The following IGSF8 variants were observed in gnomAD, a reference collection of about 807,000 sequenced individuals.
The protein encoded by IGSF8 is immunoglobulin superfamily member 8, also known as CD81 partner 3.
IGSF8 carries 46 observed loss-of-function variants against 55.5 expected under a neutral mutation model. The observed-to-expected ratio is 0.83, with a 90% CI of 0.65 to 1.06. IGSF8 has a LOEUF of 1.06. IGSF8 is among the 50% of genes least tolerant of loss of function. The pLI is 0.00. For missense variants in IGSF8, 731 were observed against 832.3 expected, an observed-to-expected ratio of 0.88 and a Z score of 1.50; for synonymous variants, 314 against 356.1, an observed-to-expected ratio of 0.88 and a Z score of 1.33.
rs559818105 is a variant in IGSF8, at chr1:160,091,927, G to A, written c.1738C>T (p.Leu580=). The change falls in exon 6 of 7, where the codon CTA becomes TTA. Residue 580 remains leucine, a synonymous_variant. Transcript: ENST00000314485. ...VYPYMHALDT[L]FVPLLVGTGV... Reference sequence around the variant, plus strand: ...GTACCCACCAGCAGAGGCACAAATAGGGTGTCCAGGGCTGGGGGAGAGAGG... The same window carrying A: ...GTACCCACCAGCAGAGGCACAAATAAGGTGTCCAGGGCTGGGGGAGAGAGG... 1 of 1,609,586 alleles carries A rather than the reference G, an allele frequency of 6.2e-7. No homozygotes were observed. The highest frequency in any genetic ancestry group is 1.7e-5 in the Admixed American group (1 of 59,992).
Position 160,095,229 on chromosome 1 carries a change from G to A in IGSF8, c.82C>T (p.Arg28Trp), listed in dbSNP as rs566750546. The stretch of plus-strand genomic sequence containing the variant: ...GGCCCCTCGGGGACCAGCACCTCCC[G>A]GGCCCAGCATCCCATTCCTGTAGGG... ...LLMLGMGCWA[R>W]EVLVPEGPLY... Residue 28 changes from arginine (R) to tryptophan (W), a missense_variant, in exon 2 of 7, where the codon CGG becomes TGG. By Grantham distance (101) the Arg-to-Trp change is moderately radical. Coordinates refer to ENST00000314485, the MANE Select transcript of IGSF8 (RefSeq NM_052868.6). 25 of 1,602,700 alleles carry A rather than the reference G, an allele frequency of 1.6e-5. No individual in the cohort carries two copies. The highest frequency in any genetic ancestry group is 2.2e-5 in the East Asian group (1 of 44,874).
At position 160,098,543 on chromosome 1, in the gene IGSF8, G is replaced by C; in HGVS notation, c.-71C>G. ...CTGGGGGGCCGGAAGGGTGGGGGGCGCATGCCCAGGTTGAGGGCAGGAAGC... is the reference window on the plus strand; with the variant it reads ...CTGGGGGGCCGGAAGGGTGGGGGGCCCATGCCCAGGTTGAGGGCAGGAAGC... On this transcript the variant is annotated 5_prime_UTR_variant, in exon 1 of 7. Coordinates refer to ENST00000314485, the MANE Select transcript of IGSF8 (RefSeq NM_052868.6). The C allele has an allele frequency of 9.2e-7, 1 of 1,089,652 alleles. No homozygotes were observed. Among genetic ancestry groups the C allele is most frequent in the Non-Finnish European group, 1.3e-6 (1 of 763,790 alleles). 67.5% of individuals were successfully genotyped at this position (1,089,652 alleles called of 1,614,324 possible).
intron 1 of IGSF8, among the ~76,000 whole-genome samples, chr1:160,096,998 T>G (rs1650477441): frequency 6.6e-6 from 1 of 152,122 alleles, no homozygotes; most frequent in Admixed American, 6.5e-5. Flanking sequence ...AGGAAATCAG[T>G]TGCCACACAG....
chr1:160,098,388 C>T (rs754502186), intron 1 of IGSF8, 21 bp downstream of exon 1: 5 of 1,550,978 alleles, frequency 3.2e-6, no homozygotes, highest in South Asian at 2.4e-5. Flanking sequence ...GGCCGGGAAC[C>T]GGAACGGGGG....
chr1:160,095,364 G>T, intron 1 of IGSF8, 118 bp from the exon 2 acceptor site: 1 of 1,048,324 alleles, frequency 9.5e-7, no homozygotes, highest in Non-Finnish European at 1.3e-6. Flanking sequence ...GGGAAAGCTT[G>T]TCCACAGCTT....
intron 4 of IGSF8, 105 bp from the exon 5 acceptor site, chr1:160,092,800 T>G: frequency 3.3e-6 from 5 of 1,500,980 alleles, no homozygotes; most frequent in Non-Finnish European, 4.5e-6. Context: ...TCCCACAATC[T>G]TGGTAGAAGA....
At chr1:160,098,323 G>T in intron 1 of IGSF8, 86 bp downstream of exon 1, 1 of 1,506,218 alleles carries the variant, frequency 6.6e-7, no homozygotes, top group Non-Finnish European at 8.9e-7. Flanking sequence ...GGAGGAGGAT[G>T]TGAGGAGCCC....
chr1:160,093,397 C>T, intron 3 of IGSF8, 66 bp from the exon 4 acceptor site: 1 of 1,466,754 alleles, frequency 6.8e-7, no homozygotes, highest in Non-Finnish European at 9.2e-7. Context: ...CCCGATTCCC[C>T]AACTTCCTGT....
chr1:160,092,971 G>A lies in IGSF8; in HGVS notation c.1265C>T (p.Ala422Val). The A allele has an allele frequency of 6.2e-7, 1 of 1,610,644 alleles. No homozygotes were observed. The highest frequency in any genetic ancestry group is 8.5e-7 in the Non-Finnish European group (1 of 1,177,146). The change falls in exon 4 of 7, where the codon GCA becomes GTA. Residue 422 changes from alanine (A) to valine (V), a missense_variant. Transcript: ENST00000314485. ...GAGAGGCCGGGAACGGGCACTGGCT[G>A]CTTCACGAAGCCGGGTCCCAGACCC... ...VRGSGTRLRE[A>V]ASARSRPLPV...
chr1:160,098,782 C>T (rs1650638659), upstream of IGSF8: 2 of 301,762 alleles, frequency 6.6e-6, no homozygotes, highest in Non-Finnish European at 6.0e-6. Flanking sequence ...CGCCAGACTC[C>T]GGCCTTTGCT....
rs761645976 is a variant in IGSF8 at position 160,093,155 on chromosome 1, G to T, written c.1081C>A (p.Gln361Lys). 8 of 1,613,586 alleles carry T rather than the reference G, an allele frequency of 5.0e-6. No individual in the cohort carries two copies. The East Asian group carries it at 1.8e-4, about 36-fold the overall frequency. The change falls in exon 4 of 7, where the codon CAG (glutamine) becomes AAG (lysine). Residue 361 changes from glutamine to lysine, a missense_variant. Transcript: ENST00000314485. ...GAPGPGRLVAQLDTEGVGSLG... is the reference protein window; with the variant it reads ...GAPGPGRLVAKLDTEGVGSLG... Reference sequence around the variant, plus strand: ...CTGCCCACACCCTCTGTGTCCAGCTGGGCTACCAGGCGGCCGGGCCCAGGT... The same window carrying T: ...CTGCCCACACCCTCTGTGTCCAGCTTGGCTACCAGGCGGCCGGGCCCAGGT...
rs764341341 is a variant in IGSF8, at chr1:160,095,227, C to T, written c.84G>A (p.Arg28=). Residue 28 remains arginine (R), a synonymous_variant, in exon 2 of 7, where the codon CGG becomes CGA. Coordinates refer to ENST00000314485, the MANE Select transcript of IGSF8 (RefSeq NM_052868.6). ...AGGGCCCCTCGGGGACCAGCACCTC[C>T]CGGGCCCAGCATCCCATTCCTGTAG... ...LLMLGMGCWA[R]EVLVPEGPLY... is the part of the protein sequence containing the mutation. 2 of 1,603,122 alleles carry T rather than the reference C, an allele frequency of 1.2e-6. No individual in the cohort carries two copies. Among genetic ancestry groups the T allele is most frequent in the South Asian group, 2.2e-5 (2 of 91,072 alleles).
In IGSF8 at chr1:160,098,504, G is replaced by T. The variant is rs1260099904; in HGVS notation, c.-32C>A. On this transcript the variant is annotated 5_prime_UTR_variant, in exon 1 of 7. Coordinates refer to ENST00000314485, the MANE Select transcript of IGSF8 (RefSeq NM_052868.6). ...CGGCCAGCTCTGGGGAGGCTCCGGG[G>T]GATGGCGCGGGTTCTGGGGGGCCGG... 2 of 1,507,886 alleles carry T rather than the reference G, an allele frequency of 1.3e-6. No individual in the cohort carries two copies. Among genetic ancestry groups the T allele is most frequent in the Non-Finnish European group, 1.8e-6 (2 of 1,126,252 alleles). 93.4% of individuals were successfully genotyped at this position (1,507,886 alleles called of 1,614,324 possible).
At chr1:160,097,259 C>G (rs1291419834) in intron 1 of IGSF8, among the ~76,000 whole-genome samples, 1 of 152,236 alleles carries the variant, frequency 6.6e-6, no homozygotes, top group Non-Finnish European at 1.5e-5. Context: ...CCTCCCTGCT[C>G]CATGCTGCCC....
At chr1:160,095,938 T>G (rs942771862) in intron 1 of IGSF8, among the ~76,000 whole-genome samples, 29 of 152,214 alleles carry the variant, frequency 1.9e-4, no homozygotes, top group Non-Finnish European at 3.7e-4. Flanking sequence ...CCTCCTCCAG[T>G]GCCTGCCAAC....
At position 160,093,747 on chromosome 1, in the gene IGSF8, T is replaced by C. The variant is rs1001086451; in HGVS notation, c.867A>G (p.Lys289=). The C allele has an allele frequency of 2.5e-6, 4 of 1,612,880 alleles. No individual in the cohort carries two copies. The African/African-American group carries it at 4.0e-5, about 16-fold the overall frequency. Reference sequence around the variant, plus strand: ...CATCCACGTGGGCCAGGACGGCCCTTTTCTCTGCAATCTGGGCCCAGCTGC... The same window carrying C: ...CATCCACGTGGGCCAGGACGGCCCTCTTCTCTGCAATCTGGGCCCAGCTGC... The part of the protein sequence containing the change: ...PDGSWAQIAE[K]RAVLAHVDVQ... Residue 289 remains lysine (K), a synonymous_variant, in exon 3 of 7, where the codon AAA becomes AAG. Transcript: ENST00000314485.
rs1407930419 is a variant in IGSF8, at chr1:160,098,615, C to T, written c.-143G>A. On this transcript the variant is annotated 5_prime_UTR_variant, in exon 1 of 7. Transcript: ENST00000314485. Reference sequence around the variant, plus strand: ...GCCGAGCGAGCTGAACTGGAGCTGCCGAATCCCCTCCCTCCGCCCCTCCCG... The same window carrying T: ...GCCGAGCGAGCTGAACTGGAGCTGCTGAATCCCCTCCCTCCGCCCCTCCCG... 1 of 573,506 alleles carries T rather than the reference C, an allele frequency of 1.7e-6. No individual in the cohort carries two copies. 35.5% of individuals were successfully genotyped at this position (573,506 alleles called of 1,614,324 possible).
intron 1 of IGSF8, among the ~76,000 whole-genome samples, chr1:160,097,108 C>T (rs546493892): frequency 5.9e-5 from 9 of 152,368 alleles, no homozygotes; most frequent in Non-Finnish European, 1.0e-4. Context: ...CCCCAACACT[C>T]ACTAAATGTG....
At chr1:160,099,211 C>T (rs1158550332), upstream of IGSF8, among the ~76,000 whole-genome samples, 1 of 152,044 alleles carries the variant, frequency 6.6e-6, no homozygotes, top group Non-Finnish European at 1.5e-5. Context: ...CATTCCACCC[C>T]GCACCTGCCA....
Sources: allele counts gnomAD v4.1 joint callset (sites outside exome capture counted in the v4.1 genomes callset), GRCh38; gene constraint gnomAD v4.1.1; transcripts MANE v1.5; gene names NCBI Gene and HGNC (gene_info 2026-07-23, HGNC 2026-07-21).